Variants in DENND5B observed in about 807,000 individuals in gnomAD.
DENND5B encodes the protein DENN domain containing 5B.
DENND5B carries 34 observed loss-of-function variants against 140.6 expected under a neutral mutation model. The ratio of observed to expected loss-of-function variants is 0.24; its 90% CI spans 0.18 to 0.32. DENND5B has a LOEUF of 0.32. DENND5B is among the 10% of genes least tolerant of loss of function. The pLI, the probability that DENND5B is intolerant of heterozygous loss-of-function variation, is 1.00. For missense variants in DENND5B, 1,142 were observed against 1,560.2 expected, an observed-to-expected ratio of 0.73 and a Z score of 4.52; for synonymous variants, 551 against 562.1, an observed-to-expected ratio of 0.98 and a Z score of 0.28.
chr12:31,491,615 T>C (rs1330532055), intron 2 of DENND5B, among the ~76,000 whole-genome samples: 1 of 152,206 alleles, frequency 6.6e-6, no homozygotes, highest in East Asian at 1.9e-4. Context: ...TGTTGACATA[T>C]GTTAGTTCTA....
At chr12:31,472,508 T>A (rs2138433486) in intron 3 of DENND5B, among the ~76,000 whole-genome samples, 1 of 152,202 alleles carries the variant, frequency 6.6e-6, no homozygotes, top group Middle Eastern at 3.4e-3. Flanking sequence ...GCCAGGCTGG[T>A]CTCAAACTCC....
intron 5 of DENND5B, among the ~76,000 whole-genome samples, chr12:31,451,102 A>G (rs1281319129): frequency 6.6e-6 from 1 of 152,196 alleles, no homozygotes; most frequent in East Asian, 1.9e-4. Context: ...TGGCTTCTGA[A>G]ACCAAACTGT....
intron 1 of DENND5B, among the ~76,000 whole-genome samples, chr12:31,557,522 C>G (rs998954577): frequency 6.6e-6 from 1 of 151,998 alleles, no homozygotes; most frequent in African/African-American, 2.4e-5. Context: ...GCTGGGATTA[C>G]AGGTATGCAC....
intron 1 of DENND5B, among the ~76,000 whole-genome samples, chr12:31,537,224 G>A (rs1948532118): frequency 1.3e-5 from 2 of 152,058 alleles, no homozygotes; most frequent in Non-Finnish European, 2.9e-5. Context: ...ATTTTAAGTA[G>A]ACTAAAAGAT....
At chr12:31,410,163 AC>A (rs1458750091) in intron 13 of DENND5B, among the ~76,000 whole-genome samples, 1 of 152,182 alleles carries the variant, frequency 6.6e-6, no homozygotes, top group East Asian at 1.9e-4. Flanking sequence ...TGCCATTCTC[AC>A]AGTTGGTGAG....
chr12:31,479,714 C>A lies in DENND5B; in HGVS notation c.779G>T (p.Gly260Val). ...ATCAGAGAGGGGGAGTTCACTGGGC[C>A]CAGGCCTCTGGCAGATGACAGGTTC... ...VYEPVICQRP[G>V]PSELPLSDYP... The change falls in exon 3 of 21, where the codon GGG becomes GTG. Residue 260 changes from glycine (G) to valine (V), a missense_variant. Physicochemically the swap from Gly to Val is moderately radical, Grantham distance 109. This residue lies in a region of DENND5B where 708 missense variants were observed against 905.5 expected (regional missense o/e 0.78). Transcript: ENST00000389082. 1 of 1,597,532 alleles carries A rather than the reference C, an allele frequency of 6.3e-7. No individual in the cohort carries two copies. Among genetic ancestry groups the A allele is most frequent in the Non-Finnish European group, 8.5e-7 (1 of 1,172,082 alleles).
Position 31,399,127 on chromosome 12 carries a change from C to CAAAAAA in DENND5B, c.3068+521_3068+526dup, listed in dbSNP as rs1491109183. Among the ~76,000 whole-genome samples the CAAAAAA allele has an allele frequency of 1.5e-3, 21 of 13,626 alleles. 1 individual carries two copies. Among genetic ancestry groups the CAAAAAA allele is most frequent in the Non-Finnish European group, 2.3e-3 (17 of 7,358 alleles). 8.9% of individuals were successfully genotyped at this position (13,626 alleles called of 152,430 possible). Reference sequence around the variant, plus strand: ...ACAAGAGTGAAACTCTGTCTCAGCCCAAAAAAAAAAAAAAAAAAGAGAGAG... The same window carrying CAAAAAA: ...ACAAGAGTGAAACTCTGTCTCAGCCCAAAAAAAAAAAAAAAAAAAAAAAAGAGAGAG... On this transcript the variant is annotated intron_variant, in intron 16 of 20. Transcript: ENST00000389082.
At chr12:31,550,925 T>TA (rs1385119377) in intron 1 of DENND5B, among the ~76,000 whole-genome samples, 13 of 152,178 alleles carry the variant, frequency 8.5e-5, no homozygotes. Context: ...TTTTTTCTTG[T>TA]AAATTTGTTT....
intron 3 of DENND5B, among the ~76,000 whole-genome samples, chr12:31,478,160 G>A (rs1945907101): frequency 6.6e-6 from 1 of 152,128 alleles, no homozygotes; most frequent in African/African-American, 2.4e-5. Flanking sequence ...AACAAAAATT[G>A]AGACATGAAA....
At chr12:31,563,571 T>C (rs1949543072) in intron 1 of DENND5B, among the ~76,000 whole-genome samples, 1 of 152,194 alleles carries the variant, frequency 6.6e-6, no homozygotes. Context: ...AAAAGCAGTC[T>C]TACGAACTTT....
intron 1 of DENND5B, among the ~76,000 whole-genome samples, chr12:31,509,320 C>T (rs1009807126): frequency 6.6e-6 from 1 of 152,078 alleles, no homozygotes; most frequent in African/African-American, 2.4e-5. Context: ...CTTATTCATC[C>T]CTAAAGAGGA....
At chr12:31,467,058 A>T (rs982860744) in intron 3 of DENND5B, among the ~76,000 whole-genome samples, 1 of 152,168 alleles carries the variant, frequency 6.6e-6, no homozygotes, top group African/African-American at 2.4e-5. Flanking sequence ...TATTATCCTC[A>T]GAGTTCTAAG....
At chr12:31,587,817 G>C (rs1950450154) in intron 1 of DENND5B, among the ~76,000 whole-genome samples, 1 of 151,982 alleles carries the variant, frequency 6.6e-6, no homozygotes, top group Non-Finnish European at 1.5e-5. Context: ...AAAGTGCTAG[G>C]ATTATAGGCG....
intron 3 of DENND5B, among the ~76,000 whole-genome samples, chr12:31,473,606 A>G (rs1945656499): frequency 6.6e-6 from 1 of 152,198 alleles, no homozygotes; most frequent in South Asian, 2.1e-4. Context: ...AGTGCCTCCC[A>G]GTGACAACTA....
chr12:31,465,078 C>T (rs964323500), intron 3 of DENND5B: 2 of 152,204 alleles, frequency 1.3e-5, no homozygotes, highest in Non-Finnish European at 2.9e-5. Flanking sequence ...GGCACAGATC[C>T]CAAGGTGGCA....
intron 2 of DENND5B, among the ~76,000 whole-genome samples, chr12:31,483,591 C>T (rs1158274962): frequency 1.3e-5 from 2 of 151,936 alleles, no homozygotes; most frequent in Non-Finnish European, 2.9e-5. Context: ...CAGGCGTCTG[C>T]CACTGCACCT....
At chr12:31,430,926 A>G (rs1364076741) in intron 8 of DENND5B, among the ~76,000 whole-genome samples, 1 of 152,208 alleles carries the variant, frequency 6.6e-6, no homozygotes, top group African/African-American at 2.4e-5. Flanking sequence ...GCCTCTCTTC[A>G]CAGCAAGAAG....
chr12:31,584,161 A>G (rs1950308482), intron 1 of DENND5B, among the ~76,000 whole-genome samples: 1 of 152,224 alleles, frequency 6.6e-6, no homozygotes, highest in African/African-American at 2.4e-5. Flanking sequence ...ATTTTAGGAC[A>G]GTCTGTCTTA....
intron 1 of DENND5B, among the ~76,000 whole-genome samples, chr12:31,569,369 C>A (rs1402509534): frequency 6.6e-6 from 1 of 152,174 alleles, no homozygotes. Context: ...GGCCTACATA[C>A]CTCTTTTATG....
Sources: allele counts gnomAD v4.1 joint callset (sites outside exome capture counted in the v4.1 genomes callset), GRCh38; gene constraint gnomAD v4.1.1; regional missense constraint gnomAD v4.1.1; transcripts MANE v1.5; gene names NCBI Gene and HGNC (gene_info 2026-07-23, HGNC 2026-07-21).